The following C16orf96 variants were observed in gnomAD, a reference collection of about 807,000 sequenced individuals.
C16orf96 encodes chromosome 16 open reading frame 96.
In C16orf96, 108 loss-of-function variants were observed where a neutral mutation model predicts 103.6. The ratio of observed to expected loss-of-function variants is 1.04; its 90% CI spans 0.89 to 1.22. The LOEUF (loss-of-function observed/expected upper bound fraction) is 1.22. Ranked by LOEUF, C16orf96 falls within the 50% of genes most tolerant of loss-of-function variation. The pLI, the probability that C16orf96 is intolerant of heterozygous loss-of-function variation, is 0.00. For missense variants in C16orf96, 1,586 were observed against 1,464.2 expected (o/e 1.08, Z -1.36); for synonymous variants, 566 against 593.5 (o/e 0.95, Z 0.67).
At position 4,562,905 on chromosome 16, in the gene C16orf96, T is replaced by A. The variant is rs536036882; in HGVS notation, c.420+5996T>A. ...TAAAGAAATACCTTTTCTTCCTGGTTTCATTTCACCTTCAGGATCCATCCA... is the reference window on the plus strand; with the variant it reads ...TAAAGAAATACCTTTTCTTCCTGGTATCATTTCACCTTCAGGATCCATCCA... On this transcript the variant is annotated intron_variant, in intron 1 of 15. Coordinates refer to ENST00000444310, the MANE Select transcript of C16orf96 (RefSeq NM_001145011.2). 2.1e-6 allele frequency: 3 copies of A among 1,422,558 alleles called. No homozygotes were observed. The South Asian group carries it at 3.5e-5, about 17-fold the overall frequency. 88.1% of individuals were successfully genotyped at this position (1,422,558 alleles called of 1,614,324 possible).
chr16:4,543,264 A>G, the C16orf96 span, among the ~76,000 whole-genome samples: 1 of 152,162 alleles, frequency 6.6e-6, no homozygotes, highest in Non-Finnish European at 1.5e-5. Context: ...GCTAATGCAA[A>G]GTTGCAGAGA....
chr16:4,544,686 A>T, the C16orf96 span, among the ~76,000 whole-genome samples: 1 of 152,156 alleles, frequency 6.6e-6, no homozygotes, highest in African/African-American at 2.4e-5. Flanking sequence ...TGTTGCGAGG[A>T]TGGGATGGCT....
At chr16:4,598,621 GA>G (rs202134696) in intron 14 of C16orf96, among the ~76,000 whole-genome samples, 5 of 149,810 alleles carry the variant, frequency 3.3e-5, no homozygotes, top group East Asian at 2.0e-4. Flanking sequence ...TTCGAATAAT[GA>G]AAAAAAAACA....
intron 7 of C16orf96, among the ~76,000 whole-genome samples, chr16:4,584,783 C>T (rs1431797624): frequency 6.6e-6 from 1 of 152,118 alleles, no homozygotes; most frequent in Non-Finnish European, 1.5e-5. Context: ...ATTTGCCTGC[C>T]TCGGCCTCCC....
intron 1 of C16orf96, among the ~76,000 whole-genome samples, chr16:4,564,357 C>CTGGG (rs1301657882): frequency 2.0e-5 from 3 of 152,310 alleles, no homozygotes; most frequent in Non-Finnish European, 4.4e-5. Flanking sequence ...TCTGCATGCA[C>CTGGG]TGGGTCCAGG....
At chr16:4,596,548 G>C (rs566168174) in intron 14 of C16orf96, among the ~76,000 whole-genome samples, 1 of 151,842 alleles carries the variant, frequency 6.6e-6, no homozygotes, top group Admixed American at 6.6e-5. Flanking sequence ...TGGGCATGGT[G>C]GCGTGCGCCT....
chr16:4,550,944 T>G, the C16orf96 span, among the ~76,000 whole-genome samples: 1 of 152,224 alleles, frequency 6.6e-6, no homozygotes, highest in South Asian at 2.1e-4. Context: ...CTTAATTTGT[T>G]TGAATCATTG....
At chr16:4,545,263 G>C in the C16orf96 span, among the ~76,000 whole-genome samples, 1 of 152,084 alleles carries the variant, frequency 6.6e-6, no homozygotes, top group Admixed American at 6.6e-5. Flanking sequence ...CTGGAGTGCA[G>C]TGGCGCGATG....
chr16:4,598,682 G>A (rs929542537), intron 14 of C16orf96, among the ~76,000 whole-genome samples: 7 of 152,132 alleles, frequency 4.6e-5, no homozygotes, highest in South Asian at 2.1e-4. Context: ...GGCCCCCAGC[G>A]GGACAGCTAA....
intron 7 of C16orf96, among the ~76,000 whole-genome samples, chr16:4,583,323 A>T (rs574042324): frequency 6.6e-6 from 1 of 152,068 alleles, no homozygotes; most frequent in Non-Finnish European, 1.5e-5. Context: ...CAATACGGCA[A>T]GGCCCCATCG....
At chr16:4,551,104 T>C in the C16orf96 span, among the ~76,000 whole-genome samples, 1 of 152,128 alleles carries the variant, frequency 6.6e-6, no homozygotes, top group African/African-American at 2.4e-5. Context: ...GAGACCCATC[T>C]CCGCAATAAT....
In C16orf96 at chr16:4,579,276, G is replaced by A. The variant is rs147106149; in HGVS notation, c.2241+251G>A. 2.6e-3 allele frequency among the ~76,000 whole-genome samples: 402 copies of A among 152,170 alleles called. 5 individuals carry two copies. The highest frequency in any genetic ancestry group is 9.2e-3 in the African/African-American group (380 of 41,522). On this transcript the variant is annotated intron_variant, in intron 6 of 15. Transcript: ENST00000444310. ...GGCTGTTCAGAGGGCAGGTGAAGCCGGTGCGGTGGCTCATACCTGTAATCC... is the reference window on the plus strand; with the variant it reads ...GGCTGTTCAGAGGGCAGGTGAAGCCAGTGCGGTGGCTCATACCTGTAATCC...
In C16orf96 at chr16:4,578,952, G is replaced by A. The variant is rs1008256736; in HGVS notation, c.2168G>A (p.Gly723Asp). The change falls in exon 6 of 16, where the codon GGT (glycine) becomes GAT (aspartate). Residue 723 changes from glycine to aspartate, a missense_variant. Transcript: ENST00000444310. ...CCTCTGCTTTCAGCCAATATGGGAG[G>A]TCCTTCCAGCCTCGGGACAACAGTG... ...QRLSYLANMGGPSSLGTTVDI... is the reference protein window; with the variant it reads ...QRLSYLANMGDPSSLGTTVDI... 6.4e-7 allele frequency: 1 copy of A among 1,551,336 alleles called. No individual in the cohort carries two copies.
chr16:4,548,056 A>G, the C16orf96 span, among the ~76,000 whole-genome samples: 1 of 152,162 alleles, frequency 6.6e-6, no homozygotes. Context: ...ATGTTAGATG[A>G]ATTATATCTT....
At chr16:4,586,971 G>A in intron 7 of C16orf96, 68 bp from the exon 8 acceptor site, 1 of 1,386,832 alleles carries the variant, frequency 7.2e-7, no homozygotes, top group South Asian at 1.2e-5. Context: ...AATGGTAGAG[G>A]TGGGAGGTTG....
chr16:4,579,799 A>T (rs1452154267), intron 6 of C16orf96, among the ~76,000 whole-genome samples: 1 of 151,910 alleles, frequency 6.6e-6, no homozygotes, highest in Admixed American at 6.6e-5. Context: ...TTTTGTAGAG[A>T]CTGGTTTCGC....
At chr16:4,566,702 T>G (rs1009259570) in intron 1 of C16orf96, among the ~76,000 whole-genome samples, 2 of 152,160 alleles carry the variant, frequency 1.3e-5, no homozygotes, top group Non-Finnish European at 2.9e-5. Flanking sequence ...TTCACTTGTT[T>G]TAGGTTTACT....
chr16:4,548,056 A>T, the C16orf96 span, among the ~76,000 whole-genome samples: 1 of 152,162 alleles, frequency 6.6e-6, no homozygotes, highest in African/African-American at 2.4e-5. Context: ...ATGTTAGATG[A>T]ATTATATCTT....
Position 4,561,647 on chromosome 16 carries a change from G to A in C16orf96, c.420+4738G>A, listed in dbSNP as rs2141695083. On this transcript the variant is annotated intron_variant, in intron 1 of 15. Coordinates refer to ENST00000444310, the MANE Select transcript of C16orf96 (RefSeq NM_001145011.2). ...CTTCAGGACTGTTTGTGCAGCTAAG[G>A]AATGTCCCCATCATTAGAGAATCTT... 4.6e-5 allele frequency: 7 copies of A among 152,310 alleles called. No homozygotes were observed. In the Middle Eastern group the frequency reaches 0.02, roughly 444 times the overall value. 9.4% of individuals were successfully genotyped at this position (152,310 alleles called of 1,614,324 possible).
Sources: allele counts gnomAD v4.1 joint callset (sites outside exome capture counted in the v4.1 genomes callset), GRCh38; gene constraint gnomAD v4.1.1; transcripts MANE v1.5; gene names NCBI Gene and HGNC (gene_info 2026-07-23, HGNC 2026-07-21).